PON3: variants seen among roughly 807,000 people sequenced by gnomAD.
PON3 encodes serum paraoxonase/lactonase 3.
In PON3, 37 loss-of-function variants were observed where a neutral mutation model predicts 36.3. The ratio of observed to expected loss-of-function variants is 1.02; its 90% confidence interval spans 0.78 to 1.34. The LOEUF (loss-of-function observed/expected upper bound fraction) is 1.34. Among genes scored for constraint, PON3 ranks in the 40% most tolerant of loss-of-function variants. PON3 has a pLI of 0.00. For missense variants in PON3, 415 were observed against 426.5 expected, an observed-to-expected ratio of 0.97 and a Z score of 0.24; for synonymous variants, 155 against 154.8, an observed-to-expected ratio of 1.00 and a Z score of -0.01.
intron 4 of PON3, among the ~76,000 whole-genome samples, chr7:95,368,095 T>C (rs1311960172): frequency 2.6e-5 from 4 of 152,164 alleles, no homozygotes; most frequent in Non-Finnish European, 5.9e-5. Context: ...ACCTCAGAAA[T>C]GTCACCTACC....
chr7:95,383,587 T>G (rs1055558676), intron 3 of PON3, among the ~76,000 whole-genome samples: 9 of 152,086 alleles, frequency 5.9e-5, no homozygotes, highest in African/African-American at 1.4e-4. Context: ...AAATCATGAG[T>G]GAACTCCCAT....
chr7:95,396,184 T>C, intron 1 of PON3, 93 bp downstream of exon 1: 4 of 1,392,202 alleles, frequency 2.9e-6, no homozygotes, highest in Non-Finnish European at 4.1e-6. Context: ...TGCTCTTTCC[T>C]ACCCGCTAGG....
chr7:95,386,753 C>T (rs1809199749), intron 3 of PON3, among the ~76,000 whole-genome samples: 1 of 152,134 alleles, frequency 6.6e-6, no homozygotes, highest in African/African-American at 2.4e-5. Context: ...ACTGGCAAAC[C>T]GAATCCAGCA....
At chr7:95,384,779 GAC>G (rs1394531352) in intron 3 of PON3, among the ~76,000 whole-genome samples, 1 of 152,180 alleles carries the variant, frequency 6.6e-6, no homozygotes, top group African/African-American at 2.4e-5. Context: ...CCTTGTGGAA[GAC>G]AGTGTGGCGA....
At chr7:95,364,715 G>A (rs1808653508) in intron 5 of PON3, 1 of 156,720 alleles carries the variant, frequency 6.4e-6, no homozygotes, top group Non-Finnish European at 1.4e-5. Context: ...GAGCCACCAA[G>A]ATGTTAGGGT....
chr7:95,376,915 A>G (rs1808928535), intron 3 of PON3, among the ~76,000 whole-genome samples: 1 of 152,196 alleles, frequency 6.6e-6, no homozygotes, highest in Admixed American at 6.5e-5. Context: ...GGTGCAGCCC[A>G]TGGAGGGCAA....
intron 3 of PON3, among the ~76,000 whole-genome samples, chr7:95,379,433 T>C (rs1808994702): frequency 6.6e-6 from 1 of 152,164 alleles, no homozygotes; most frequent in African/African-American, 2.4e-5. Context: ...GTGCAAAGGG[T>C]CAGGGAATTC....
chr7:95,394,572 T>A, intron 2 of PON3, 72 bp downstream of exon 2: 1 of 1,346,836 alleles, frequency 7.4e-7, no homozygotes. Context: ...TTAAATGAGC[T>A]GGTAGGGCTC....
chr7:95,389,919 AC>A (rs757112358), intron 3 of PON3, among the ~76,000 whole-genome samples: 8 of 152,182 alleles, frequency 5.3e-5, no homozygotes, highest in Non-Finnish European at 1.2e-4. Context: ...TCAAGACCCT[AC>A]TGAGTATGCC....
At chr7:95,393,043 C>A (rs35206180) in intron 2 of PON3, among the ~76,000 whole-genome samples, 3 of 152,200 alleles carry the variant, frequency 2.0e-5, no homozygotes, top group Non-Finnish European at 2.9e-5. Context: ...CTTCTGCTTT[C>A]CAGCTGCTAG....
chr7:95,369,584 G>A (rs949037461), intron 4 of PON3, among the ~76,000 whole-genome samples: 1 of 152,170 alleles, frequency 6.6e-6, no homozygotes, highest in African/African-American at 2.4e-5. Flanking sequence ...AGACCAGCCT[G>A]GCCAACATGG....
chr7:95,363,824 T>A (rs1302507640), intron 6 of PON3, 39 bp downstream of exon 6: 3 of 1,582,582 alleles, frequency 1.9e-6, no homozygotes, highest in Non-Finnish European at 2.6e-6. Flanking sequence ...CACGAAAATG[T>A]CAAGGGCAAA....
rs763074615 is a variant in PON3 at position 95,362,398 on chromosome 7, T to C, written c.870A>G (p.Leu290=). The part of the protein sequence containing the change: ...LAGCHPNPMK[L]LNYNPEDPPG... ...GAGGGTCCTCAGGGTTATAGTTCAG[T>C]AGCTTCATAGGATTAGGATGGCATC... The change falls in exon 8 of 9, where the codon CTA becomes CTG. Residue 290 remains leucine, a synonymous_variant. Coordinates refer to ENST00000265627, the MANE Select transcript of PON3 (RefSeq NM_000940.3). 9.3e-6 allele frequency: 15 copies of C among 1,613,780 alleles called. No individual in the cohort carries two copies. Among genetic ancestry groups the C allele is most frequent in the Non-Finnish European group, 1.2e-5 (14 of 1,179,766 alleles).
At chr7:95,362,588 A>G in intron 7 of PON3, 98 bp from the exon 8 acceptor site, 3 of 1,572,002 alleles carry the variant, frequency 1.9e-6, no homozygotes, top group Non-Finnish European at 2.6e-6. Flanking sequence ...TCTGGCACCT[A>G]AAGTTGGTGT....
chr7:95,365,703 A>G (rs2116379784), intron 5 of PON3: 1 of 152,300 alleles, frequency 6.6e-6, no homozygotes, highest in Middle Eastern at 3.4e-3. Flanking sequence ...GAGGCTAGGA[A>G]TCCAAAACCG....
In PON3 at chr7:95,366,631, C is replaced by T. The variant is rs562255464; in HGVS notation, c.494+731G>A. On this transcript the variant is annotated intron_variant, in intron 5 of 8. Transcript: ENST00000265627. ...GCTACAGCCTTTAAACAGGCAGCCT[C>T]TCCACTGAAAAGCCTGTTATTTTAA... Among the ~76,000 whole-genome samples, 3 of 152,330 alleles carry T rather than the reference C, an allele frequency of 2.0e-5. No individual in the cohort carries two copies. The South Asian group carries it at 6.2e-4, about 32-fold the overall frequency.
At chr7:95,363,332 A>G (rs17880412) in intron 6 of PON3, 8,287 of 178,700 alleles carry the variant, frequency 0.046, 724 homozygotes, top group African/African-American at 0.19. Flanking sequence ...TTATAAAAAA[A>G]CCTCCAATTT....
chr7:95,377,266 G>A (rs1808940768), intron 3 of PON3, among the ~76,000 whole-genome samples: 1 of 152,166 alleles, frequency 6.6e-6, no homozygotes, highest in Non-Finnish European at 1.5e-5. Context: ...AGGCCGGGAA[G>A]CTTGAACAGG....
intron 8 of PON3, among the ~76,000 whole-genome samples, chr7:95,360,617 T>C (rs1808545837): frequency 6.6e-6 from 1 of 152,216 alleles, no homozygotes; most frequent in Non-Finnish European, 1.5e-5. Context: ...TAATGGATAC[T>C]ACTTTGGAAT....
Sources: allele counts gnomAD v4.1 joint callset (sites outside exome capture counted in the v4.1 genomes callset), GRCh38; gene constraint gnomAD v4.1.1; transcripts MANE v1.5; gene names NCBI Gene and HGNC (gene_info 2026-07-23, HGNC 2026-07-21).